MAPRE2: variants seen among roughly 807,000 people sequenced by gnomAD.
The protein encoded by MAPRE2 is microtubule associated protein RP/EB family member 2, also known as microtubule-associated protein RP/EB family member 2.
A neutral mutation model predicts 43.2 loss-of-function variants in MAPRE2; 13 were observed. The observed-to-expected ratio is 0.30, with a 90% CI of 0.20 to 0.48. The LOEUF is 0.48. Ranked by LOEUF, MAPRE2 falls within the 20% of genes least tolerant of loss-of-function variation. The probability of loss-of-function intolerance (pLI) is 0.99; values close to 1 mark genes in which losing one functional copy is unlikely to be tolerated. For missense variants in MAPRE2, 161 were observed against 400.2 expected (o/e 0.40, Z 5.10); for synonymous variants, 135 against 148.8 (o/e 0.91, Z 0.68).
chr18:35,029,519 A>G (rs375062074), intron 2 of MAPRE2, among the ~76,000 whole-genome samples: 2 of 152,080 alleles, frequency 1.3e-5, no homozygotes, highest in East Asian at 3.9e-4. Flanking sequence ...CTTTCTCCTG[A>G]CTTCCTTTGT....
At chr18:35,094,459 G>A (rs911048852) in intron 2 of MAPRE2, among the ~76,000 whole-genome samples, 15 of 152,190 alleles carry the variant, frequency 9.9e-5, no homozygotes, top group Admixed American at 7.9e-4. Context: ...GACAAAAAAG[G>A]CAATTTAAAA....
intron 2 of MAPRE2, among the ~76,000 whole-genome samples, chr18:35,030,391 A>G (rs2097047266): frequency 6.6e-6 from 1 of 152,188 alleles, no homozygotes; most frequent in African/African-American, 2.4e-5. Flanking sequence ...TCTTCCTTCC[A>G]GGTTAATCAG....
intron 6 of MAPRE2, among the ~76,000 whole-genome samples, chr18:35,136,288 A>C (rs1910389857): frequency 6.6e-6 from 1 of 152,158 alleles, no homozygotes; most frequent in African/African-American, 2.4e-5. Flanking sequence ...CCAGCTTATG[A>C]ACAGTTACTT....
chr18:35,015,602 T>G (rs116571828), intron 2 of MAPRE2, among the ~76,000 whole-genome samples: 1 of 150,996 alleles, frequency 6.6e-6, no homozygotes, highest in African/African-American at 2.4e-5. Context: ...CACATAATTT[T>G]ACACAGTTGG....
At chr18:35,032,187 G>T (rs1603391882) in intron 2 of MAPRE2, among the ~76,000 whole-genome samples, 1 of 152,156 alleles carries the variant, frequency 6.6e-6, no homozygotes, top group South Asian at 2.1e-4. Context: ...GAAATGGCTT[G>T]TCCTGAGCCA....
At chr18:35,127,157 C>T in intron 5 of MAPRE2, 70 bp downstream of exon 5, 1 of 1,541,452 alleles carries the variant, frequency 6.5e-7, no homozygotes, top group Non-Finnish European at 8.9e-7. Flanking sequence ...CCTAGGATCC[C>T]CTAGGACTGG....
At chr18:35,106,488 T>A (rs1276095678) in intron 4 of MAPRE2, among the ~76,000 whole-genome samples, 2 of 152,098 alleles carry the variant, frequency 1.3e-5, no homozygotes, top group African/African-American at 2.4e-5. Flanking sequence ...TCAGTCTACA[T>A]TAGCAAGAAA....
intron 5 of MAPRE2, among the ~76,000 whole-genome samples, chr18:35,127,940 A>G (rs2144239911): frequency 6.6e-6 from 1 of 152,326 alleles, no homozygotes; most frequent in Non-Finnish European, 1.5e-5. Flanking sequence ...TGGAGGGCCC[A>G]TCGAGGAGAG....
intron 1 of MAPRE2, chr18:35,005,451 A>G (rs1203069080): frequency 7.9e-7 from 1 of 1,258,272 alleles, no homozygotes; most frequent in South Asian, 1.4e-5. Context: ...CATCATATTA[A>G]ATGCTTGCAC....
chr18:35,097,399 C>G, intron 2 of MAPRE2, 47 bp from the exon 3 acceptor site: 2 of 1,583,716 alleles, frequency 1.3e-6, no homozygotes, highest in Non-Finnish European at 1.7e-6. Context: ...TCTACCACAT[C>G]TGGGTACAGT....
intron 1 of MAPRE2, among the ~76,000 whole-genome samples, chr18:34,981,867 TTTTTTTTTTATTTTTATTTA>T (rs1568959607): frequency 6.8e-5 from 3 of 44,362 alleles, no homozygotes; most frequent in African/African-American, 1.5e-4. Flanking sequence ...TTTATTTATT[TTTTTTTTTTATTTTTATTTA>T]TTTTTTTTTT....
At chr18:35,082,289 C>CAAAAAAAA (rs777649319) in intron 2 of MAPRE2, 1 of 28,848 alleles carries the variant, frequency 3.5e-5, no homozygotes. Flanking sequence ...GACTCCGTCT[C>CAAAAAAAA]AAAAAAAAAA....
upstream of MAPRE2, among the ~76,000 whole-genome samples, chr18:35,036,985 G>A (rs1327478563): frequency 1.3e-5 from 2 of 152,134 alleles, no homozygotes; most frequent in East Asian, 1.9e-4. Flanking sequence ...AAGATTTTAG[G>A]TGTACTTTTC....
At chr18:35,087,189 T>C (rs1907919087) in intron 2 of MAPRE2, among the ~76,000 whole-genome samples, 1 of 152,168 alleles carries the variant, frequency 6.6e-6, no homozygotes. Context: ...ATTATGTCAA[T>C]TTTGATGTAT....
rs538271613 is a variant in MAPRE2 at position 35,032,679 on chromosome 18, T to G, written c.-8+27126T>G. On this transcript the variant is annotated intron_variant, in intron 2 of 7. Transcript: ENST00000413393. ...GTGCTGGGACCTCTTCCTGGGTTTT[T>G]TTTTGTTTTGTTTTTTTGTTTATTT... Among the ~76,000 whole-genome samples, 12 of 152,292 alleles carry G rather than the reference T, an allele frequency of 7.9e-5. No individual in the cohort carries two copies. The East Asian group carries it at 9.6e-4, about 12-fold the overall frequency.
At chr18:34,986,528 C>G (rs1301328952) in intron 1 of MAPRE2, among the ~76,000 whole-genome samples, 1 of 152,148 alleles carries the variant, frequency 6.6e-6, no homozygotes, top group Non-Finnish European at 1.5e-5. Flanking sequence ...AGTTTCACTT[C>G]CAGCTTGCCC....
Position 35,070,198 on chromosome 18 carries a change from G to T in MAPRE2, c.126G>T (p.Trp42Cys). ...HTVRGERSYSWGMAVNVYSTS... is the reference protein window; with the variant it reads ...HTVRGERSYSCGMAVNVYSTS... Reference sequence around the variant, plus strand: ...ATAAACTTTGTTTTTTTTCTAGTTGGGGAATGGCGGTCAATGTGTATTCTA... The same window carrying T: ...ATAAACTTTGTTTTTTTTCTAGTTGTGGAATGGCGGTCAATGTGTATTCTA... Residue 42 changes from tryptophan (W) to cysteine (C), a missense_variant, in exon 2 of 7, where the codon TGG becomes TGT. Transcript: ENST00000300249. 1.3e-6 allele frequency: 2 copies of T among 1,579,486 alleles called. No homozygotes were observed. The highest frequency in any genetic ancestry group is 3.9e-5 in the Admixed American group (2 of 50,910).
chr18:35,089,376 C>A lies in MAPRE2; in HGVS notation c.251-8070C>A, dbSNP rs144807292. 6.4e-4 allele frequency among the ~76,000 whole-genome samples: 98 copies of A among 152,196 alleles called. 1 individual carries two copies. Among genetic ancestry groups the A allele is most frequent in the Non-Finnish European group, 1.3e-3 (86 of 68,002 alleles). ...ATCAAGAAAGTGAAAAAACAGTCCA[C>A]AGAATGGGAGAAAATATTTACAAAT... On this transcript the variant is annotated intron_variant, in intron 2 of 6. Coordinates refer to ENST00000300249, the MANE Select transcript of MAPRE2 (RefSeq NM_014268.4).
At chr18:35,044,584 T>C (rs1905528177) in intron 1 of MAPRE2, among the ~76,000 whole-genome samples, 1 of 152,218 alleles carries the variant, frequency 6.6e-6, no homozygotes, top group Admixed American at 6.5e-5. Context: ...TAGCCCCCGT[T>C]GTTAGAGAGA....
Sources: allele counts gnomAD v4.1 joint callset (sites outside exome capture counted in the v4.1 genomes callset), GRCh38; gene constraint gnomAD v4.1.1; transcripts MANE v1.5; gene names NCBI Gene and HGNC (gene_info 2026-07-23, HGNC 2026-07-21).